The following TRDN variants were observed in gnomAD, a reference collection of about 807,000 sequenced individuals.
TRDN encodes triadin in skeletal muscle.
A neutral mutation model predicts 149.7 loss-of-function variants in TRDN; 161 were observed. The observed-to-expected ratio is 1.08, with a 90% CI of 0.95 to 1.23. The LOEUF is 1.23. Among genes scored for constraint, TRDN ranks in the 50% most tolerant of loss-of-function variants. TRDN has a pLI of 0.00. For missense variants in TRDN, 896 were observed against 823.5 expected (o/e 1.09, Z -1.08); for synonymous variants, 294 against 250.5 (o/e 1.17, Z -1.64).
In TRDN at chr6:123,465,954, C is replaced by G. The variant is rs150180128; in HGVS notation, c.854-971G>C. ...CTATGGTGTAATATGGTTTAGCAAG[C>G]AAAGTAATTAGAGTTGCACAAACAC... is the stretch of plus-strand genomic sequence containing the variant. On this transcript the variant is annotated intron_variant, in intron 9 of 40. Coordinates refer to ENST00000334268, the MANE Select transcript of TRDN (RefSeq NM_006073.4). Among the ~76,000 whole-genome samples the G allele has an allele frequency of 6.6e-4, 101 of 152,292 alleles. 1 individual carries two copies. The highest frequency in any genetic ancestry group is 1.2e-4 in the Non-Finnish European group (8 of 68,036).
intron 21 of TRDN, chr6:123,350,706 C>T (rs1325349150): frequency 9.6e-6 from 8 of 830,144 alleles, no homozygotes; most frequent in Non-Finnish European, 1.2e-5. Flanking sequence ...TATATTATTT[C>T]CTATGATTGT....
chr6:123,290,901 A>T (rs186747880), intron 24 of TRDN, among the ~76,000 whole-genome samples: 2 of 152,324 alleles, frequency 1.3e-5, no homozygotes, highest in East Asian at 3.9e-4. Context: ...TCACAACTGT[A>T]ATCTCAGCAC....
intron 24 of TRDN, among the ~76,000 whole-genome samples, chr6:123,311,366 T>C (rs1778812961): frequency 6.6e-6 from 1 of 151,942 alleles, no homozygotes; most frequent in Non-Finnish European, 1.5e-5. Flanking sequence ...ATTATGGGGA[T>C]TACAATTTGA....
At chr6:123,399,036 G>A (rs893291152) in intron 12 of TRDN, among the ~76,000 whole-genome samples, 1 of 151,966 alleles carries the variant, frequency 6.6e-6, no homozygotes, top group Non-Finnish European at 1.5e-5. Context: ...GCATTATAGT[G>A]TTTAATTCAG....
At chr6:123,540,454 A>G (rs1181481230) in intron 4 of TRDN, among the ~76,000 whole-genome samples, 1 of 152,060 alleles carries the variant, frequency 6.6e-6, no homozygotes, top group South Asian at 2.1e-4. Flanking sequence ...AAAAAAAACT[A>G]TATCAAGTCA....
At chr6:123,569,187 A>G (rs1003088402) in intron 2 of TRDN, among the ~76,000 whole-genome samples, 2 of 152,224 alleles carry the variant, frequency 1.3e-5, no homozygotes, top group Non-Finnish European at 2.9e-5. Flanking sequence ...CATGAAAAGA[A>G]TGCAGCCAAG....
At position 123,372,942 on chromosome 6, in the gene TRDN, T is replaced by A. The variant is rs552106794; in HGVS notation, c.1273+2663A>T. Among the ~76,000 whole-genome samples the A allele has an allele frequency of 2.0e-5, 3 of 152,278 alleles. No homozygotes were observed. In the South Asian group the frequency reaches 6.2e-4, roughly 32 times the overall value. The stretch of plus-strand genomic sequence containing the variant: ...ATAAATAAAGGAGTCTTTGCTGACT[T>A]GCAGAAATTGTCAGTCTAGTTTCAG... On this transcript the variant is annotated intron_variant, in intron 19 of 40. Transcript: ENST00000334268.
chr6:123,255,208 G>A (rs1360700354), intron 36 of TRDN, 83 bp from the exon 37 acceptor site: 2 of 613,084 alleles, frequency 3.3e-6, no homozygotes, highest in East Asian at 6.6e-5. Flanking sequence ...CAACGAATGA[G>A]GATAATTTAA....
intron 24 of TRDN, among the ~76,000 whole-genome samples, chr6:123,304,680 T>C (rs1582845284): frequency 6.6e-6 from 1 of 152,126 alleles, no homozygotes; most frequent in Non-Finnish European, 1.5e-5. Flanking sequence ...AAAAACTGTG[T>C]TTTCGGTGCA....
intron 26 of TRDN, among the ~76,000 whole-genome samples, chr6:123,276,482 AAAAG>A (rs1214632654): frequency 1.3e-5 from 2 of 152,194 alleles, no homozygotes; most frequent in African/African-American, 4.8e-5. Flanking sequence ...ATAAAATGTG[AAAAG>A]AAAGATACAC....
In TRDN at chr6:123,411,203, C is replaced by T. The variant is rs142552140; in HGVS notation, c.1052-17526G>A. Among the ~76,000 whole-genome samples the T allele has an allele frequency of 7.9e-3, 1,203 of 151,816 alleles. 6 individuals carry two copies. The highest frequency in any genetic ancestry group is 0.012 in the Non-Finnish European group (785 of 67,930). ...CTGGGGTTACAGGTGCCCGCCACCACGCCCAGCTAATTTTTGTATTTTTAG... is the reference window on the plus strand; with the variant it reads ...CTGGGGTTACAGGTGCCCGCCACCATGCCCAGCTAATTTTTGTATTTTTAG... On this transcript the variant is annotated intron_variant, in intron 12 of 40. Transcript: ENST00000334268.
At chr6:123,605,713 G>A (rs867361416) in intron 1 of TRDN, among the ~76,000 whole-genome samples, 1 of 152,052 alleles carries the variant, frequency 6.6e-6, no homozygotes, top group Admixed American at 6.6e-5. Flanking sequence ...ACAGTGAGCC[G>A]AGATTGTGCC....
Position 123,375,621 on chromosome 6 carries a change from G to T in TRDN, c.1257C>A (p.Asp419Glu), listed in dbSNP as rs17737379. 0.12 allele frequency: 187,382 copies of T among 1,515,306 alleles called. 13,481 individuals carry two copies. Among genetic ancestry groups the T allele is most frequent in the African/African-American group, 0.29 (20,339 of 70,740 alleles). The allele number at this position is 1,515,306 out of a possible 1,614,324, so 93.9% of individuals were successfully genotyped here. ...TCAACATACTTGCTTTTACTTGTTT[G>T]TCACTTGGAACTGTTAATGACAAGA... Reference protein sequence around the residue: ...SPKKEHSVPSDKQVKAKTERA... With the variant: ...SPKKEHSVPSEKQVKAKTERA... Residue 419 changes from aspartate to glutamate, a missense_variant, in exon 19 of 41, where the codon GAC (aspartate) becomes GAA (glutamate). Asp to Glu is a conservative substitution (Grantham distance 45). Transcript: ENST00000334268.
chr6:123,496,328 A>C (rs1279304647), intron 9 of TRDN, among the ~76,000 whole-genome samples: 1 of 151,584 alleles, frequency 6.6e-6, no homozygotes, highest in East Asian at 1.9e-4. Context: ...TTTAGAAATG[A>C]GATGTCTCTT....
chr6:123,561,263 A>G (rs1018574024), intron 2 of TRDN, among the ~76,000 whole-genome samples: 3 of 152,114 alleles, frequency 2.0e-5, no homozygotes, highest in African/African-American at 7.2e-5. Context: ...TCAGTGAAAC[A>G]TTTATATACC....
chr6:123,439,358 G>A (rs547693169), intron 10 of TRDN, among the ~76,000 whole-genome samples: 34 of 151,938 alleles, frequency 2.2e-4, no homozygotes, highest in Admixed American at 5.9e-4. Flanking sequence ...TATATTTCTT[G>A]GAAAATATAC....
At position 123,393,510 on chromosome 6, in the gene TRDN, TG is replaced by T. The variant is rs372285636; in HGVS notation, c.1105+113del. The T allele has an allele frequency of 1.8e-3, 1,568 of 863,196 alleles. 14 individuals are homozygous for T. The highest frequency in any genetic ancestry group is 7.9e-3 in the East Asian group (277 of 35,194). The allele number at this position is 863,196 out of a possible 1,614,324, so 53.5% of individuals were successfully genotyped here. On this transcript the variant is annotated intron_variant, in intron 13 of 40. Coordinates refer to ENST00000334268, the MANE Select transcript of TRDN (RefSeq NM_006073.4). ...TATTTTCATTCAACAATATTTTTTT[TG>T]CAATATCCCAGCAGATGGTGCTATT...
Position 123,241,274 on chromosome 6 carries a change from T to C in TRDN, c.1975+11138A>G, listed in dbSNP as rs149998625. The stretch of plus-strand genomic sequence containing the variant: ...TCATTATATATTATAAGGACAAATA[T>C]GATGCTTTAGTTATGGTTAATTATA... On this transcript the variant is annotated intron_variant, in intron 38 of 40. Coordinates refer to ENST00000334268, the MANE Select transcript of TRDN (RefSeq NM_006073.4). Among the ~76,000 whole-genome samples, 413 of 151,348 alleles carry C rather than the reference T, an allele frequency of 2.7e-3. 5 individuals carry two copies. The highest frequency in any genetic ancestry group is 9.6e-3 in the African/African-American group (400 of 41,524).
At chr6:123,251,741 G>A (rs1562230556) in intron 38 of TRDN, among the ~76,000 whole-genome samples, 1 of 151,586 alleles carries the variant, frequency 6.6e-6, no homozygotes, top group Non-Finnish European at 1.5e-5. Context: ...TGAATCTTAG[G>A]AACTTGTAAG....
Sources: allele counts gnomAD v4.1 joint callset (sites outside exome capture counted in the v4.1 genomes callset), GRCh38; gene constraint gnomAD v4.1.1; transcripts MANE v1.5; gene names NCBI Gene and HGNC (gene_info 2026-07-23, HGNC 2026-07-21).